EPHA6: variants seen among roughly 807,000 people sequenced by gnomAD.
EPHA6 encodes ephrin type-A receptor 6.
A neutral mutation model predicts 112.0 loss-of-function variants in EPHA6; 50 were observed. The ratio of observed to expected loss-of-function variants is 0.45; its 90% CI spans 0.36 to 0.56. The LOEUF (loss-of-function observed/expected upper bound fraction) is 0.56, where lower values mean the gene tolerates loss of function less well. Among genes scored for constraint, EPHA6 ranks in the 20% least tolerant of loss-of-function variants. The probability of loss-of-function intolerance (pLI) is 0.00; values close to 1 mark genes in which losing one functional copy is unlikely to be tolerated. For missense variants in EPHA6, 1,280 were observed against 1,417.4 expected (o/e 0.90, Z 1.56); for synonymous variants, 529 against 490.7 (o/e 1.08, Z -1.03).
At position 97,256,293 on chromosome 3, in the gene EPHA6, T is replaced by A. The variant is rs1413012531; in HGVS notation, c.1606+12006T>A. On this transcript the variant is annotated intron_variant, in intron 5 of 17. Transcript: ENST00000389672. The stretch of plus-strand genomic sequence containing the variant: ...CTCAAGTGGAAGGAATGAACTAATG[T>A]ATCTGCCTTCATGTGACTTTTTAAC... Among the ~76,000 whole-genome samples, 4 of 152,224 alleles carry A rather than the reference T, an allele frequency of 2.6e-5. No individual in the cohort carries two copies. In the East Asian group the frequency reaches 7.7e-4, roughly 29 times the overall value.
At chr3:97,319,698 A>C (rs913884596) in intron 5 of EPHA6, among the ~76,000 whole-genome samples, 1 of 150,858 alleles carries the variant, frequency 6.6e-6, no homozygotes, top group African/African-American at 2.4e-5. Flanking sequence ...CAAAAAAAAA[A>C]CAACACCAAA....
At position 96,865,483 on chromosome 3, in the gene EPHA6, A is replaced by G. The variant is rs138970608; in HGVS notation, c.386-1342A>G. Among the ~76,000 whole-genome samples, 700 of 152,006 alleles carry G rather than the reference A, an allele frequency of 4.6e-3. 3 individuals are homozygous for G. Among genetic ancestry groups the G allele is most frequent in the African/African-American group, 0.016 (651 of 41,490 alleles). ...GGTCACTTGAGGCCAGGAGTTCAAG[A>G]CCTGTCTGCATAGCATAGTAAGACC... On this transcript the variant is annotated intron_variant, in intron 1 of 17. Transcript: ENST00000389672.
intron 1 of EPHA6, among the ~76,000 whole-genome samples, chr3:96,852,652 T>G (rs1448849942): frequency 1.3e-5 from 2 of 151,528 alleles, no homozygotes; most frequent in African/African-American, 2.4e-5. Flanking sequence ...TTGCTCCCCT[T>G]CAACCTGTTG....
At chr3:97,268,945 T>C (rs1287706769) in intron 5 of EPHA6, among the ~76,000 whole-genome samples, 1 of 152,210 alleles carries the variant, frequency 6.6e-6, no homozygotes, top group Non-Finnish European at 1.5e-5. Context: ...GAAAATAAAA[T>C]TGAACTCTTG....
At chr3:96,835,217 AT>A (rs1272639582) in intron 1 of EPHA6, among the ~76,000 whole-genome samples, 7 of 152,094 alleles carry the variant, frequency 4.6e-5, no homozygotes, top group African/African-American at 1.7e-4. Flanking sequence ...ATATGAGTAA[AT>A]TTAGTCTTAG....
chr3:97,283,645 T>C (rs1434278177), intron 5 of EPHA6, among the ~76,000 whole-genome samples: 1 of 152,076 alleles, frequency 6.6e-6, no homozygotes, highest in African/African-American at 2.4e-5. Flanking sequence ...TTGGGATAAA[T>C]ATGTAATGCA....
At chr3:97,544,784 A>G (rs141860688) in intron 11 of EPHA6, among the ~76,000 whole-genome samples, 4,184 of 152,248 alleles carry the variant, frequency 0.027, 152 homozygotes, top group African/African-American at 0.086. Context: ...TTATTGGTCT[A>G]TTCAGAGATT....
At chr3:96,866,667 T>G (rs1485876634) in intron 1 of EPHA6, among the ~76,000 whole-genome samples, 158 bp from the exon 2 acceptor site, 1 of 151,698 alleles carries the variant, frequency 6.6e-6, no homozygotes, top group Non-Finnish European at 1.5e-5. Context: ...TATTAATATT[T>G]AATATGTAAA....
intron 2 of EPHA6, among the ~76,000 whole-genome samples, chr3:96,867,914 C>T (rs1317102267): frequency 1.3e-5 from 2 of 151,712 alleles, no homozygotes; most frequent in Non-Finnish European, 2.9e-5. Context: ...AGCCCATTTG[C>T]TTCTTTAAAT....
Position 97,551,145 on chromosome 3 carries a change from G to T in EPHA6, c.2386+18602G>T, listed in dbSNP as rs963174763. 2.0e-5 allele frequency among the ~76,000 whole-genome samples: 3 copies of T among 152,030 alleles called. No homozygotes were observed. The East Asian group carries it at 5.8e-4, about 29-fold the overall frequency. On this transcript the variant is annotated intron_variant, in intron 11 of 17. Transcript: ENST00000389672. ...CTATATTATAATTATTTAGGTACAT[G>T]CCTTTCTACATAGACCAGAATCAAC...
intron 15 of EPHA6, among the ~76,000 whole-genome samples, chr3:97,733,608 A>G (rs992579942): frequency 2.0e-5 from 3 of 152,074 alleles, no homozygotes; most frequent in Non-Finnish European, 4.4e-5. Context: ...ATTTAGAAGT[A>G]TAATTCCTGC....
chr3:96,994,726 TATATATAGAG>T (rs1402584517), intron 3 of EPHA6, among the ~76,000 whole-genome samples: 14 of 78,292 alleles, frequency 1.8e-4, no homozygotes, highest in Non-Finnish European at 2.2e-4. Flanking sequence ...TATATATATA[TATATATAGAG>T]AGAGAGAGAG....
intron 3 of EPHA6, among the ~76,000 whole-genome samples, chr3:97,070,809 G>A (rs1425864040): frequency 6.6e-6 from 1 of 152,064 alleles, no homozygotes; most frequent in African/African-American, 2.4e-5. Flanking sequence ...GATGATCAAT[G>A]TGTCTTTATG....
chr3:97,716,545 G>A (rs1576342323), intron 14 of EPHA6, among the ~76,000 whole-genome samples: 3 of 120,782 alleles, frequency 2.5e-5, no homozygotes, highest in South Asian at 2.3e-4. Flanking sequence ...TCCGCAGTCC[G>A]GCCCGGGCGA....
At chr3:97,673,625 G>GTAATTTTGGGGA (rs2031074011) in intron 14 of EPHA6, among the ~76,000 whole-genome samples, 1 of 152,138 alleles carries the variant, frequency 6.6e-6, no homozygotes, top group Admixed American at 6.5e-5. Flanking sequence ...TGAGGACAGC[G>GTAATTTTGGGGA]AACAAGCTTT....
chr3:97,069,479 A>G (rs979014300), intron 3 of EPHA6, among the ~76,000 whole-genome samples: 10 of 152,114 alleles, frequency 6.6e-5, no homozygotes. Flanking sequence ...CTTTACTGAA[A>G]CCCTAAGGGT....
chr3:97,481,536 G>T (rs2091546812), intron 9 of EPHA6: 3 of 817,264 alleles, frequency 3.7e-6, no homozygotes, highest in Non-Finnish European at 6.3e-6. Context: ...CAGGCCCGGG[G>T]GTCCCTAGAG....
At chr3:97,113,260 A>G (rs886368696) in intron 3 of EPHA6, among the ~76,000 whole-genome samples, 3 of 152,164 alleles carry the variant, frequency 2.0e-5, no homozygotes, top group African/African-American at 4.8e-5. Flanking sequence ...CAGGATTTGC[A>G]TTCAAGAAAC....
intron 10 of EPHA6, among the ~76,000 whole-genome samples, chr3:97,511,590 C>A (rs2092365726): frequency 1.3e-5 from 2 of 152,182 alleles, no homozygotes; most frequent in African/African-American, 4.8e-5. Context: ...CTATGTTGAT[C>A]TCGCTGGGAG....
Sources: allele counts gnomAD v4.1 joint callset (sites outside exome capture counted in the v4.1 genomes callset), GRCh38; gene constraint gnomAD v4.1.1; transcripts MANE v1.5; gene names NCBI Gene and HGNC (gene_info 2026-07-23, HGNC 2026-07-21).